The following FBXL17 variants were observed in gnomAD, a reference collection of about 807,000 sequenced individuals.
FBXL17 encodes F-box/LRR-repeat protein 17.
In FBXL17, 22 loss-of-function variants were observed where a neutral mutation model predicts 66.2. The observed-to-expected ratio is 0.33, with a 90% CI of 0.24 to 0.47. The LOEUF (loss-of-function observed/expected upper bound fraction) is 0.47. Among genes scored for constraint, FBXL17 ranks in the 20% least tolerant of loss-of-function variants. The pLI, the probability that FBXL17 is intolerant of heterozygous loss-of-function variation, is 1.00. For synonymous variants in FBXL17, 474 were observed against 400.5 expected (o/e 1.18, Z -2.19); for missense variants, 878 against 948.2 (o/e 0.93, Z 0.97).
intron 7 of FBXL17, among the ~76,000 whole-genome samples, chr5:107,903,984 A>G (rs562317523): frequency 3.9e-5 from 6 of 152,184 alleles, no homozygotes; most frequent in Non-Finnish European, 5.9e-5. Context: ...TCTCTAAAAT[A>G]TCTATAGTTA....
intron 4 of FBXL17, among the ~76,000 whole-genome samples, chr5:108,247,540 T>G (rs975128006): frequency 1.3e-5 from 2 of 152,162 alleles, no homozygotes; most frequent in Non-Finnish European, 2.9e-5. Flanking sequence ...GTCATTCTCC[T>G]AAAAATGTAA....
rs111518918 is a variant in FBXL17, at chr5:108,237,587, C to T, written c.1507-13359G>A. On this transcript the variant is annotated intron_variant, in intron 4 of 8. Coordinates refer to ENST00000542267, the MANE Select transcript of FBXL17 (RefSeq NM_001163315.3). Reference sequence around the variant, plus strand: ...ACTTTAATATCCCCTTGAGTTCCAACAGATTGCAGGTCCATGACTGATGGA... The same window carrying T: ...ACTTTAATATCCCCTTGAGTTCCAATAGATTGCAGGTCCATGACTGATGGA... Among the ~76,000 whole-genome samples the T allele has an allele frequency of 1.5e-3, 228 of 152,250 alleles. 1 individual carries two copies. Among genetic ancestry groups the T allele is most frequent in the Non-Finnish European group, 2.4e-3 (166 of 68,020 alleles).
intron 4 of FBXL17, among the ~76,000 whole-genome samples, chr5:108,318,765 G>A (rs557105684): frequency 7.9e-5 from 12 of 151,924 alleles, no homozygotes; most frequent in African/African-American, 2.9e-4. Flanking sequence ...ATAGTGAAAT[G>A]TTTAATATTT....
chr5:108,064,650 A>G (rs776016458), intron 6 of FBXL17, among the ~76,000 whole-genome samples: 13 of 152,244 alleles, frequency 8.5e-5, no homozygotes, highest in Non-Finnish European at 1.5e-4. Context: ...ATGTGACTTT[A>G]TAATTTTAGA....
intron 5 of FBXL17, among the ~76,000 whole-genome samples, chr5:108,214,728 C>T (rs1754527956): frequency 6.6e-6 from 1 of 152,060 alleles, no homozygotes; most frequent in South Asian, 2.1e-4. Flanking sequence ...TTGTCTAACC[C>T]AAGATCACAA....
At chr5:108,077,091 C>G (rs999708429) in intron 6 of FBXL17, among the ~76,000 whole-genome samples, 72 of 152,156 alleles carry the variant, frequency 4.7e-4, no homozygotes, top group African/African-American at 1.7e-3. Context: ...AGGAATTCAC[C>G]CAATTCATAC....
At chr5:108,337,915 C>T (rs1561537469) in intron 4 of FBXL17, among the ~76,000 whole-genome samples, 1 of 151,986 alleles carries the variant, frequency 6.6e-6, no homozygotes, top group East Asian at 1.9e-4. Flanking sequence ...TAACCTTTCA[C>T]ACTTTTTTCC....
chr5:108,104,655 A>C (rs1339757859), intron 6 of FBXL17, among the ~76,000 whole-genome samples: 1 of 152,214 alleles, frequency 6.6e-6, no homozygotes, highest in Non-Finnish European at 1.5e-5. Context: ...TTAAATAAAA[A>C]CAAATAAAAA....
intron 6 of FBXL17, among the ~76,000 whole-genome samples, chr5:108,030,733 T>G (rs1013330221): frequency 2.0e-5 from 3 of 152,016 alleles, no homozygotes; most frequent in Admixed American, 6.6e-5. Flanking sequence ...AAAGAAAGAT[T>G]GAGAGTTCAG....
chr5:108,215,146 T>C (rs575653770), intron 5 of FBXL17, among the ~76,000 whole-genome samples: 59 of 152,332 alleles, frequency 3.9e-4, no homozygotes, highest in African/African-American at 1.1e-3. Flanking sequence ...ACATTTTAGC[T>C]GTTGTGTATG....
chr5:108,348,338 T>C, intron 4 of FBXL17, 61 bp downstream of exon 4: 7 of 1,425,802 alleles, frequency 4.9e-6, no homozygotes, highest in African/African-American at 4.3e-5. Flanking sequence ...ATAAATAAAC[T>C]TGAAAGAATT....
At chr5:108,157,615 A>G (rs1051202247) in intron 6 of FBXL17, among the ~76,000 whole-genome samples, 5 of 151,850 alleles carry the variant, frequency 3.3e-5, no homozygotes, top group Admixed American at 3.3e-4. Flanking sequence ...TAAAATCTGT[A>G]GGTAAATTAT....
chr5:108,154,287 GAAAAA>G (rs56042627), intron 6 of FBXL17, among the ~76,000 whole-genome samples: 1 of 98,400 alleles, frequency 1.0e-5, no homozygotes, highest in Non-Finnish European at 1.9e-5. Flanking sequence ...GATCACAGCT[GAAAAA>G]AAAAAAAAAA....
At chr5:107,929,981 T>C (rs183354427) in intron 7 of FBXL17, among the ~76,000 whole-genome samples, 98 of 152,286 alleles carry the variant, frequency 6.4e-4, no homozygotes, top group Admixed American at 4.0e-3. Flanking sequence ...TAATGAACCA[T>C]GAATCCATTC....
intron 6 of FBXL17, among the ~76,000 whole-genome samples, chr5:108,113,439 C>T (rs1009954223): frequency 6.6e-6 from 1 of 151,286 alleles, no homozygotes; most frequent in South Asian, 2.1e-4. Flanking sequence ...ATGCTATACA[C>T]ATATATATAT....
At chr5:108,225,089 C>T (rs2922424) in intron 4 of FBXL17, among the ~76,000 whole-genome samples, 68,425 of 151,820 alleles carry the variant, frequency 0.45, 15,741 homozygotes, top group Non-Finnish European at 0.5. Flanking sequence ...ACGGTCATTC[C>T]CCTATTTCCC....
intron 6 of FBXL17, among the ~76,000 whole-genome samples, chr5:108,030,806 G>A (rs938337227): frequency 6.6e-6 from 1 of 152,100 alleles, no homozygotes; most frequent in East Asian, 1.9e-4. Context: ...AATGGCAGGT[G>A]TTTGAAAGAG....
chr5:108,173,202 G>C (rs1373682339), intron 6 of FBXL17, among the ~76,000 whole-genome samples: 2 of 151,966 alleles, frequency 1.3e-5, no homozygotes, highest in Non-Finnish European at 2.9e-5. Context: ...TATAAAAGAA[G>C]AAAAATATAT....
chr5:108,380,731 T>C lies in FBXL17; in HGVS notation c.961A>G (p.Ile321Val). 1 of 1,248,652 alleles carries C rather than the reference T, an allele frequency of 8.0e-7. No individual in the cohort carries two copies. Among genetic ancestry groups the C allele is most frequent in the Non-Finnish European group, 1.0e-6 (1 of 988,966 alleles). 77.3% of individuals were successfully genotyped at this position (1,248,652 alleles called of 1,614,324 possible). Residue 321 changes from isoleucine to valine, a missense_variant, in exon 1 of 9, where the codon ATC (isoleucine) becomes GTC (valine). By Grantham distance (29) the Ile-to-Val change is conservative. This residue lies in a region of FBXL17 where 605 missense variants were observed against 509.5 expected (regional missense o/e 1.19). Transcript: ENST00000542267. ...AGGATGGACGGCGGCAGCTGGTTGATGTCTGGGGTTTCGGGGGGCGGCTCC... is the reference window on the plus strand; with the variant it reads ...AGGATGGACGGCGGCAGCTGGTTGACGTCTGGGGTTTCGGGGGGCGGCTCC... ...HREPPPETPDINQLPPSILLK... is the reference protein window; with the variant it reads ...HREPPPETPDVNQLPPSILLK...
Sources: allele counts gnomAD v4.1 joint callset (sites outside exome capture counted in the v4.1 genomes callset), GRCh38; gene constraint gnomAD v4.1.1; regional missense constraint gnomAD v4.1.1; transcripts MANE v1.5; gene names NCBI Gene and HGNC (gene_info 2026-07-23, HGNC 2026-07-21).